AFF3: variants seen among roughly 807,000 people sequenced by gnomAD.
The protein encoded by AFF3 is ALF transcription elongation factor 3.
AFF3 carries 32 observed loss-of-function variants against 129.7 expected under a neutral mutation model. That is an observed-to-expected ratio of 0.25 (90% confidence interval 0.19 to 0.33). The LOEUF is 0.33. Among genes scored for constraint, AFF3 ranks in the 10% least tolerant of loss-of-function variants. AFF3 has a pLI of 1.00. For synonymous variants in AFF3, 644 were observed against 635.4 expected, an observed-to-expected ratio of 1.01 and a Z score of -0.20; for missense variants, 1,373 against 1,592.0, an observed-to-expected ratio of 0.86 and a Z score of 2.34.
intron 4 of AFF3, among the ~76,000 whole-genome samples, chr2:100,026,027 A>G (rs1329156275): frequency 1.3e-5 from 2 of 152,246 alleles, no homozygotes; most frequent in Non-Finnish European, 2.9e-5. Context: ...AGCAAATGCA[A>G]TAAAAACAGT....
intron 13 of AFF3, among the ~76,000 whole-genome samples, chr2:99,632,518 C>G: frequency 6.6e-6 from 1 of 152,202 alleles, no homozygotes; most frequent in Middle Eastern, 3.4e-3. Context: ...GGGCATCACA[C>G]GGGGAGTGGT....
chr2:100,008,684 C>A, intron 5 of AFF3, 128 bp downstream of exon 5: 3 of 1,204,592 alleles, frequency 2.5e-6, no homozygotes, highest in South Asian at 3.4e-5. Context: ...GCTGAGCTGT[C>A]TTCCCTGGGC....
intron 4 of AFF3, among the ~76,000 whole-genome samples, chr2:100,077,717 A>G (rs756269646): frequency 2.6e-5 from 4 of 152,116 alleles, no homozygotes; most frequent in African/African-American, 9.7e-5. Context: ...CTCTTTCTCT[A>G]CTATTTCCAC....
intron 8 of AFF3, among the ~76,000 whole-genome samples, chr2:99,753,642 A>C (rs1681856150): frequency 6.6e-6 from 1 of 152,186 alleles, no homozygotes; most frequent in Non-Finnish European, 1.5e-5. Flanking sequence ...CAGATAGTGC[A>C]GAACCCACAC....
At chr2:99,730,516 CTT>C (rs1448325264) in intron 10 of AFF3, among the ~76,000 whole-genome samples, 27 of 140,404 alleles carry the variant, frequency 1.9e-4, no homozygotes, top group African/African-American at 1.6e-4. Context: ...TATACTGCAA[CTT>C]TTTTTTTTTT....
At chr2:99,730,119 G>T (rs1366919000) in intron 10 of AFF3, among the ~76,000 whole-genome samples, 2 of 152,058 alleles carry the variant, frequency 1.3e-5, no homozygotes, top group African/African-American at 4.8e-5. Context: ...CATACACTAG[G>T]TGCTCAGTAT....
At position 99,893,700 on chromosome 2, in the gene AFF3, C is replaced by T. The variant is rs542424759; in HGVS notation, c.874-56176G>A. 2.6e-5 allele frequency among the ~76,000 whole-genome samples: 4 copies of T among 152,286 alleles called. No homozygotes were observed. The East Asian group carries it at 7.7e-4, about 29-fold the overall frequency. ...TTTGTTACGGCAGCCCAATAATGCT[C>T]ACTGATGGTTTTATAAACTAGAGAA... On this transcript the variant is annotated intron_variant, in intron 7 of 24. Coordinates refer to ENST00000672756, the MANE Select transcript of AFF3 (RefSeq NM_001386135.1).
intron 13 of AFF3, among the ~76,000 whole-genome samples, chr2:99,646,516 TA>T (rs150710623): frequency 0.1 from 15,535 of 152,188 alleles, 895 homozygotes; most frequent in East Asian, 0.15. Context: ...GCAAAAGGTT[TA>T]GGGAACCAGG....
intron 10 of AFF3, among the ~76,000 whole-genome samples, chr2:99,743,590 C>T (rs1558807292): frequency 6.6e-6 from 1 of 152,118 alleles, no homozygotes; most frequent in Non-Finnish European, 1.5e-5. Context: ...CAAAAAAGCC[C>T]ATGTGTTTTA....
chr2:99,984,140 G>A (rs1423018260), intron 7 of AFF3, among the ~76,000 whole-genome samples: 4 of 152,168 alleles, frequency 2.6e-5, no homozygotes, highest in Non-Finnish European at 5.9e-5. Flanking sequence ...ACAACATAGT[G>A]TAAATTAAAA....
chr2:99,758,045 T>C (rs1682267510), intron 8 of AFF3, among the ~76,000 whole-genome samples: 1 of 152,230 alleles, frequency 6.6e-6, no homozygotes, highest in African/African-American at 2.4e-5. Flanking sequence ...TGGAGCAGAA[T>C]GGGTGCTCAC....
At chr2:100,126,138 C>T (rs62150261) in intron 2 of AFF3, among the ~76,000 whole-genome samples, 1,721 of 152,282 alleles carry the variant, frequency 0.011, 15 homozygotes, top group Middle Eastern at 0.02. Flanking sequence ...TTGCATGAGG[C>T]GAATGAGATG....
chr2:99,838,044 T>C (rs1041207456), intron 7 of AFF3, among the ~76,000 whole-genome samples: 1 of 152,082 alleles, frequency 6.6e-6, no homozygotes, highest in African/African-American at 2.4e-5. Flanking sequence ...AAGAGAAACA[T>C]CCTCTGGATG....
chr2:99,753,496 G>C (rs1342931679), intron 8 of AFF3, among the ~76,000 whole-genome samples: 4 of 152,152 alleles, frequency 2.6e-5, no homozygotes, highest in Admixed American at 6.5e-5. Flanking sequence ...TCTCTCGCTC[G>C]AGGTGAGGAC....
chr2:99,953,120 G>A (rs530864263), intron 7 of AFF3, among the ~76,000 whole-genome samples: 33 of 152,256 alleles, frequency 2.2e-4, no homozygotes, highest in African/African-American at 7.0e-4. Flanking sequence ...TACAGAGATC[G>A]TATACATGCC....
At chr2:99,595,188 A>G (rs1679163101) in intron 14 of AFF3, among the ~76,000 whole-genome samples, 1 of 152,244 alleles carries the variant, frequency 6.6e-6, no homozygotes, top group African/African-American at 2.4e-5. Context: ...AAAAAAATTA[A>G]GGACCAATCC....
At chr2:99,722,569 C>T (rs112995990) in intron 11 of AFF3, among the ~76,000 whole-genome samples, 1 of 152,206 alleles carries the variant, frequency 6.6e-6, no homozygotes, top group Non-Finnish European at 1.5e-5. Context: ...CCAAGCCCCT[C>T]TAACTTGGGT....
intron 13 of AFF3, among the ~76,000 whole-genome samples, chr2:99,643,706 C>G (rs931712672): frequency 1.3e-5 from 2 of 152,258 alleles, no homozygotes; most frequent in African/African-American, 4.8e-5. Context: ...CTGAATCCAA[C>G]CCCCTACACT....
Position 99,565,606 on chromosome 2 carries a change from C to A in AFF3, c.3000G>T (p.Lys1000Asn), listed in dbSNP as rs1286650499. ...KADAMVEKFGKALNYAEAALS... is the reference protein window; with the variant it reads ...KADAMVEKFGNALNYAEAALS... ...ATGCTGCTTCAGCATAGTTCAAAGCCTTTCCAAACTTTTCCACCTGATCAA... is the reference window on the plus strand; with the variant it reads ...ATGCTGCTTCAGCATAGTTCAAAGCATTTCCAAACTTTTCCACCTGATCAA... Residue 1000 changes from lysine (K) to asparagine (N), a missense_variant, in exon 20 of 25, where the codon AAG (lysine) becomes AAT (asparagine). Coordinates refer to ENST00000672756, the MANE Select transcript of AFF3 (RefSeq NM_001386135.1). 1 of 1,614,082 alleles carries A rather than the reference C, an allele frequency of 6.2e-7. No individual in the cohort carries two copies. The highest frequency in any genetic ancestry group is 1.1e-5 in the South Asian group (1 of 91,076).
Sources: gnomAD v4.1 joint callset for allele counts (sites outside exome capture counted in the v4.1 genomes callset) on GRCh38, gnomAD v4.1.1 for gene constraint, MANE v1.5 for transcripts, NCBI Gene and HGNC (gene_info 2026-07-23, HGNC 2026-07-21) for gene names.